Variants in TRPC4AP observed in about 807,000 individuals in gnomAD.
TRPC4AP encodes short transient receptor potential channel 4-associated protein.
TRPC4AP carries 45 observed loss-of-function variants against 99.0 expected under a neutral mutation model. That is an observed-to-expected ratio of 0.45 (90% CI 0.36 to 0.58). The LOEUF (loss-of-function observed/expected upper bound fraction) is 0.58. TRPC4AP is among the 20% of genes least tolerant of loss of function. TRPC4AP has a pLI of 0.00. For synonymous variants in TRPC4AP, 408 were observed against 385.8 expected, an observed-to-expected ratio of 1.06 and a Z score of -0.67; for missense variants, 879 against 985.3, an observed-to-expected ratio of 0.89 and a Z score of 1.44.
At chr20:35,077,519 C>G (rs2084513519) in intron 2 of TRPC4AP, among the ~76,000 whole-genome samples, 1 of 152,090 alleles carries the variant, frequency 6.6e-6, no homozygotes, top group African/African-American at 2.4e-5. Context: ...GGGTGGGGCC[C>G]AGAACTCTGT....
At chr20:35,036,162 G>A (rs1343857865) in intron 7 of TRPC4AP, among the ~76,000 whole-genome samples, 2 of 152,182 alleles carry the variant, frequency 1.3e-5, no homozygotes, top group Non-Finnish European at 2.9e-5. Flanking sequence ...AACTTTGGAG[G>A]CAGGGAGATC....
At chr20:35,014,712 G>C (rs1162846624) in intron 10 of TRPC4AP, among the ~76,000 whole-genome samples, 1 of 152,216 alleles carries the variant, frequency 6.6e-6, no homozygotes, top group African/African-American at 2.4e-5. Context: ...GAAGTCCCCA[G>C]AGTGCAGTGA....
At chr20:35,044,411 A>AAAAAAG (rs1555909601) in intron 7 of TRPC4AP, 94 bp downstream of exon 7, 4 of 1,302,886 alleles carry the variant, frequency 3.1e-6, no homozygotes, top group African/African-American at 3.0e-5. Flanking sequence ...AAAAAAAAAA[A>AAAAAAG]AAAAGAAAAG....
chr20:35,017,510 T>C (rs1412897872), intron 9 of TRPC4AP, among the ~76,000 whole-genome samples: 5 of 152,232 alleles, frequency 3.3e-5, no homozygotes, highest in Admixed American at 2.6e-4. Flanking sequence ...TTCTCGGGGC[T>C]GTTGTAAGGA....
intron 8 of TRPC4AP, among the ~76,000 whole-genome samples, chr20:35,034,501 T>TA (rs1188782621): frequency 6.6e-6 from 1 of 151,994 alleles, no homozygotes; most frequent in Non-Finnish European, 1.5e-5. Flanking sequence ...ACCGAGAACT[T>TA]AGTCTCTTCA....
chr20:35,009,909 C>T (rs781043770), intron 12 of TRPC4AP, among the ~76,000 whole-genome samples: 3 of 152,222 alleles, frequency 2.0e-5, no homozygotes, highest in South Asian at 2.1e-4. Flanking sequence ...TGGGGCAGTG[C>T]GGAGCACACA....
chr20:35,026,928 TATTA>T (rs1404142777), intron 8 of TRPC4AP, among the ~76,000 whole-genome samples: 1 of 152,228 alleles, frequency 6.6e-6, no homozygotes, highest in Non-Finnish European at 1.5e-5. Flanking sequence ...TGAACCTATT[TATTA>T]GTTTACTGGT....
chr20:35,043,082 T>C (rs1038551556), intron 7 of TRPC4AP, among the ~76,000 whole-genome samples: 1 of 152,086 alleles, frequency 6.6e-6, no homozygotes, highest in Non-Finnish European at 1.5e-5. Flanking sequence ...CTCTTTATCA[T>C]TAATATATCT....
rs1219696048 is a variant in TRPC4AP at position 35,057,547 on chromosome 20, G to A, written c.439C>T (p.Pro147Ser). ...VDLLVEILMR[P>S]TISIRGQKLK... ...TTCTGTCCCCGGATAGAGATCGTAG[G>A]CCTCATAAGAATTTCTACAAGAAGC... Residue 147 changes from proline to serine, a missense_variant, in exon 4 of 19, where the codon CCT (proline) becomes TCT (serine). Pro to Ser is a moderately conservative substitution (Grantham distance 74). Coordinates refer to ENST00000252015, the MANE Select transcript of TRPC4AP (RefSeq NM_015638.3). The A allele has an allele frequency of 6.2e-7, 1 of 1,611,568 alleles. No homozygotes were observed. The highest frequency in any genetic ancestry group is 2.2e-5 in the East Asian group (1 of 44,798).
rs564228243 is a variant in TRPC4AP, at chr20:35,011,019, G to C, written c.1410-731C>G. On this transcript the variant is annotated intron_variant, in intron 11 of 18. Coordinates refer to ENST00000252015, the MANE Select transcript of TRPC4AP (RefSeq NM_015638.3). ...TTCACGTCTGTAATCCCAGCACTTT[G>C]GAAGGTCCAGGCGGGTGGATCACGA... Among the ~76,000 whole-genome samples, 5 of 152,296 alleles carry C rather than the reference G, an allele frequency of 3.3e-5. No homozygotes were observed. The South Asian group carries it at 1.0e-3, about 32-fold the overall frequency.
chr20:35,061,413 T>C (rs1053049303), intron 3 of TRPC4AP, among the ~76,000 whole-genome samples: 14 of 152,226 alleles, frequency 9.2e-5, no homozygotes, highest in Admixed American at 9.2e-4. Flanking sequence ...CTCCCTAAAT[T>C]GACCTACAAA....
intron 12 of TRPC4AP, among the ~76,000 whole-genome samples, chr20:35,009,708 C>T (rs1190110878): frequency 2.0e-5 from 3 of 152,214 alleles, no homozygotes; most frequent in Non-Finnish European, 4.4e-5. Flanking sequence ...TGGATAAAGT[C>T]CACTGTATTC....
intron 2 of TRPC4AP, among the ~76,000 whole-genome samples, chr20:35,075,992 C>T (rs1005254784): frequency 1.3e-5 from 2 of 152,178 alleles, no homozygotes; most frequent in African/African-American, 4.8e-5. Context: ...TCTCTTCTCG[C>T]TTCATTTCAT....
intron 9 of TRPC4AP, among the ~76,000 whole-genome samples, chr20:35,018,877 C>G (rs1168329001): frequency 6.6e-6 from 1 of 152,106 alleles, no homozygotes; most frequent in African/African-American, 2.4e-5. Flanking sequence ...TTCTTTGAAC[C>G]CAAGTCCCTT....
At position 35,051,229 on chromosome 20, in the gene TRPC4AP, T is replaced by C. The variant is rs187048548; in HGVS notation, c.529-1235A>G. Among the ~76,000 whole-genome samples the C allele has an allele frequency of 9.2e-5, 14 of 152,280 alleles. No individual in the cohort carries two copies. In the East Asian group the frequency reaches 2.7e-3, roughly 29 times the overall value. ...AAGAGTGCAGACACACACAGTTTGGTAAATGGGAACCCCAAGCTAGGAGGC... is the reference window on the plus strand; with the variant it reads ...AAGAGTGCAGACACACACAGTTTGGCAAATGGGAACCCCAAGCTAGGAGGC... On this transcript the variant is annotated intron_variant, in intron 5 of 18. Transcript: ENST00000252015.
At chr20:35,013,156 C>T (rs1488355251) in intron 10 of TRPC4AP, 90 bp from the exon 11 acceptor site, 2 of 1,235,798 alleles carry the variant, frequency 1.6e-6, no homozygotes, top group Non-Finnish European at 2.4e-6. Flanking sequence ...GCCTGCTTCT[C>T]TAAGCCTCTG....
At chr20:35,037,128 C>G (rs1214902291) in intron 7 of TRPC4AP, among the ~76,000 whole-genome samples, 1 of 152,088 alleles carries the variant, frequency 6.6e-6, no homozygotes, top group Admixed American at 6.5e-5. Flanking sequence ...GGGTGGATCA[C>G]AAGGTCAGGA....
At chr20:35,066,418 T>C (rs924906323) in intron 3 of TRPC4AP, among the ~76,000 whole-genome samples, 9 of 152,100 alleles carry the variant, frequency 5.9e-5, no homozygotes, top group South Asian at 2.1e-4. Flanking sequence ...TGAGTATAAA[T>C]TGCACATGTA....
chr20:35,046,238 G>A (rs991163392), intron 6 of TRPC4AP, among the ~76,000 whole-genome samples: 6 of 151,718 alleles, frequency 4.0e-5, no homozygotes. Context: ...TCCTTCTATT[G>A]CTAGCTTTTA....
Sources: allele counts gnomAD v4.1 joint callset (sites outside exome capture counted in the v4.1 genomes callset), GRCh38; gene constraint gnomAD v4.1.1; transcripts MANE v1.5; gene names NCBI Gene and HGNC (gene_info 2026-07-23, HGNC 2026-07-21).